Variants in CTNNA3 observed in about 807,000 individuals in gnomAD.
The protein encoded by CTNNA3 is catenin alpha 3.
In CTNNA3, 76 loss-of-function variants were observed where a neutral mutation model predicts 95.7. The observed-to-expected ratio is 0.79, with a 90% CI of 0.66 to 0.96. The LOEUF is 0.96. CTNNA3 is among the 40% of genes least tolerant of loss of function. The pLI is 0.00. For missense variants in CTNNA3, 1,191 were observed against 1,089.8 expected (o/e 1.09, Z -1.31); for synonymous variants, 431 against 374.4 (o/e 1.15, Z -1.74).
intron 13 of CTNNA3, among the ~76,000 whole-genome samples, chr10:66,119,915 A>C (rs2082504200): frequency 6.6e-6 from 1 of 152,152 alleles, no homozygotes; most frequent in Non-Finnish European, 1.5e-5. Flanking sequence ...TTGAAAAATA[A>C]AGATAGCTGT....
chr10:66,805,096 T>G (rs1389403295), intron 7 of CTNNA3, among the ~76,000 whole-genome samples: 1 of 152,136 alleles, frequency 6.6e-6, no homozygotes, highest in Non-Finnish European at 1.5e-5. Context: ...GTGATAACAT[T>G]TCACACGTGT....
In CTNNA3 at chr10:66,262,209, C is replaced by T. The variant is rs1471724433; in HGVS notation, c.1884+18261G>A. On this transcript the variant is annotated intron_variant, in intron 13 of 17. Coordinates refer to ENST00000433211, the MANE Select transcript of CTNNA3 (RefSeq NM_013266.4). ...CTTCACTTCTGAAGGCCTCAAAGCC[C>T]TCCAAGGATTTTGAGATAGGCAATT... Among the ~76,000 whole-genome samples, 5 of 151,974 alleles carry T rather than the reference C, an allele frequency of 3.3e-5. No homozygotes were observed. The East Asian group carries it at 9.7e-4, about 29-fold the overall frequency.
intron 7 of CTNNA3, among the ~76,000 whole-genome samples, chr10:67,066,305 G>A (rs866093191): frequency 1.3e-5 from 2 of 148,968 alleles, no homozygotes; most frequent in African/African-American, 2.5e-5. Flanking sequence ...AGATTCTCCT[G>A]CCTCAGCCTC....
chr10:66,690,482 C>A (rs575808107), intron 9 of CTNNA3, among the ~76,000 whole-genome samples: 4 of 151,018 alleles, frequency 2.6e-5, no homozygotes, highest in African/African-American at 9.8e-5. Flanking sequence ...CCCGTCCCCC[C>A]ACCCCACAAC....
At chr10:67,326,877 T>G (rs1167299086) in intron 5 of CTNNA3, among the ~76,000 whole-genome samples, 1 of 152,176 alleles carries the variant, frequency 6.6e-6, no homozygotes, top group African/African-American at 2.4e-5. Flanking sequence ...ACAGATTTGG[T>G]CTCTTTACAT....
intron 11 of CTNNA3, among the ~76,000 whole-genome samples, chr10:66,500,551 G>T (rs1207972446): frequency 6.6e-6 from 1 of 152,092 alleles, no homozygotes; most frequent in African/African-American, 2.4e-5. Context: ...CTACCTTCAT[G>T]AAATTTCCCA....
chr10:66,904,654 C>T (rs1845906364), intron 7 of CTNNA3, among the ~76,000 whole-genome samples: 1 of 152,042 alleles, frequency 6.6e-6, no homozygotes, highest in Non-Finnish European at 1.5e-5. Flanking sequence ...CTACAAAGAG[C>T]TCAAACAAAT....
intron 1 of CTNNA3, among the ~76,000 whole-genome samples, chr10:67,715,585 T>C (rs1489154879): frequency 6.6e-6 from 1 of 152,100 alleles, no homozygotes; most frequent in Non-Finnish European, 1.5e-5. Flanking sequence ...CTCTGAACTG[T>C]TACTCTATGT....
At chr10:66,626,360 A>G (rs1403181880) in intron 9 of CTNNA3, among the ~76,000 whole-genome samples, 1 of 143,730 alleles carries the variant, frequency 7.0e-6, no homozygotes, top group East Asian at 2.0e-4. Context: ...TTCATTGTTT[A>G]TATATTGTTC....
At chr10:67,120,776 A>G (rs1385370935) in intron 7 of CTNNA3, among the ~76,000 whole-genome samples, 1 of 152,054 alleles carries the variant, frequency 6.6e-6, no homozygotes, top group African/African-American at 2.4e-5. Context: ...CGTACAAAGA[A>G]AAGTTATCCT....
chr10:66,614,110 C>G (rs1844425454), intron 10 of CTNNA3, among the ~76,000 whole-genome samples: 1 of 152,076 alleles, frequency 6.6e-6, no homozygotes, highest in Non-Finnish European at 1.5e-5. Flanking sequence ...TTAATCAGAA[C>G]AAGTTGCTGT....
At chr10:66,897,312 G>T (rs10733831) in intron 7 of CTNNA3, among the ~76,000 whole-genome samples, 152,176 of 152,176 alleles carry the variant, frequency 1, 76,088 homozygotes, top group Non-Finnish European at 1. Context: ...ATAAAAGTGG[G>T]GATATCCATG....
chr10:66,128,294 C>G (rs1207987011), intron 13 of CTNNA3, among the ~76,000 whole-genome samples: 2 of 152,026 alleles, frequency 1.3e-5, no homozygotes. Flanking sequence ...AGCTAAATTT[C>G]TCTGAGAAAA....
At chr10:66,217,440 C>T (rs895997939) in intron 13 of CTNNA3, among the ~76,000 whole-genome samples, 3 of 151,272 alleles carry the variant, frequency 2.0e-5, no homozygotes, top group Non-Finnish European at 2.9e-5. Context: ...TTTGATCCAT[C>T]CAAATTGTTG....
In CTNNA3 at chr10:66,178,424, T is replaced by TACAC. The variant is rs773951182; in HGVS notation, c.1885-75176_1885-75175insGTGT. On this transcript the variant is annotated intron_variant, in intron 13 of 17. Transcript: ENST00000433211. ...GTATATATATATATATATATATATA[T>TACAC]ATATATATATATATATATACACACA... is the stretch of plus-strand genomic sequence containing the variant. 4.9e-3 allele frequency among the ~76,000 whole-genome samples: 461 copies of TACAC among 93,962 alleles called. 8 individuals are homozygous for TACAC. The highest frequency in any genetic ancestry group is 0.034 in the South Asian group (103 of 3,042). The allele number at this position is 93,962 out of a possible 152,430, so 61.6% of individuals were successfully genotyped here.
chr10:66,975,181 T>C (rs1355883936), intron 7 of CTNNA3, among the ~76,000 whole-genome samples: 1 of 152,216 alleles, frequency 6.6e-6, no homozygotes, highest in East Asian at 1.9e-4. Flanking sequence ...ATTCTGCAAT[T>C]GATAGCTAGC....
chr10:67,220,119 C>G (rs1864584181), intron 5 of CTNNA3, among the ~76,000 whole-genome samples: 1 of 152,198 alleles, frequency 6.6e-6, no homozygotes, highest in African/African-American at 2.4e-5. Flanking sequence ...AGATCCATTA[C>G]TATTCAGTCA....
intron 6 of CTNNA3, among the ~76,000 whole-genome samples, chr10:67,196,181 T>C (rs927853411): frequency 5.3e-5 from 8 of 152,104 alleles, no homozygotes; most frequent in African/African-American, 1.9e-4. Context: ...TTGTCTAGTA[T>C]ATTTCCTGTT....
At chr10:67,452,321 CAATT>C (rs1406282041) in intron 5 of CTNNA3, among the ~76,000 whole-genome samples, 2 of 152,026 alleles carry the variant, frequency 1.3e-5, no homozygotes, top group South Asian at 2.1e-4. Flanking sequence ...TTATGAGACT[CAATT>C]AACTTTAAAT....
Sources: gnomAD v4.1 joint callset for allele counts (sites outside exome capture counted in the v4.1 genomes callset) on GRCh38, gnomAD v4.1.1 for gene constraint, MANE v1.5 for transcripts, NCBI Gene and HGNC (gene_info 2026-07-23, HGNC 2026-07-21) for gene names.